Variants in TTC7B observed in about 807,000 individuals in gnomAD.
TTC7B encodes the protein tetratricopeptide repeat domain 7B.
A neutral mutation model predicts 106.8 loss-of-function variants in TTC7B; 28 were observed. That is an observed-to-expected ratio of 0.26 (90% CI 0.19 to 0.36). TTC7B has a LOEUF of 0.36. Among genes scored for constraint, TTC7B ranks in the 10% least tolerant of loss-of-function variants. The probability of loss-of-function intolerance (pLI) is 1.00; values close to 1 mark genes in which losing one functional copy is unlikely to be tolerated. For synonymous variants in TTC7B, 405 were observed against 430.6 expected (o/e 0.94, Z 0.74); for missense variants, 862 against 1,076.4 (o/e 0.80, Z 2.79).
rs981321064 is a variant in TTC7B at position 90,805,043 on chromosome 14, C to A, written c.121+11132G>T. ...GGACTCACCCGGAGCCCCAGGCAGG[C>A]AGGGCTACACAGCCACCCTGGAGAT... On this transcript the variant is annotated intron_variant, in intron 1 of 19. Coordinates refer to ENST00000328459, the MANE Select transcript of TTC7B (RefSeq NM_001010854.2). The surrounding 1 kb of genome is among the most constrained non-coding windows in gnomAD (Gnocchi z 4.0). 2.6e-5 allele frequency among the ~76,000 whole-genome samples: 4 copies of A among 152,118 alleles called. No individual in the cohort carries two copies. Among genetic ancestry groups the A allele is most frequent in the Non-Finnish European group, 4.4e-5 (3 of 68,026 alleles).
At chr14:90,701,794 G>GTATATATATATATATA (rs1365407194) in intron 5 of TTC7B, among the ~76,000 whole-genome samples, 12 of 124,864 alleles carry the variant, frequency 9.6e-5, no homozygotes, top group African/African-American at 4.2e-4. Flanking sequence ...GTGTGTGTGT[G>GTATATATATATATATA]TGTATATATA....
intron 3 of TTC7B, chr14:90,766,634 G>A (rs1426055094): frequency 9.3e-7 from 1 of 1,079,664 alleles, no homozygotes; most frequent in Non-Finnish European, 1.4e-6. Flanking sequence ...GCCATTAAGG[G>A]TGTGGGCCAA....
intron 18 of TTC7B, chr14:90,585,469 C>G (rs896550989): frequency 6.6e-6 from 1 of 152,436 alleles, no homozygotes; most frequent in Admixed American, 6.5e-5. Context: ...TCTGTGTCCT[C>G]TGTTCCATCC....
chr14:90,741,211 C>G (rs1335942679), intron 4 of TTC7B, among the ~76,000 whole-genome samples: 1 of 152,180 alleles, frequency 6.6e-6, no homozygotes, highest in Non-Finnish European at 1.5e-5. Context: ...CACTGCCCTT[C>G]AGGAACCCAA....
At chr14:90,566,667 G>A (rs1045151519) in intron 19 of TTC7B, among the ~76,000 whole-genome samples, 1 of 152,208 alleles carries the variant, frequency 6.6e-6, no homozygotes, top group Non-Finnish European at 1.5e-5. Context: ...ATCACGTGTC[G>A]TTCATCAGTG....
At chr14:90,676,267 C>G (rs1003102183) in intron 9 of TTC7B, 73 of 347,992 alleles carry the variant, frequency 2.1e-4, no homozygotes, top group African/African-American at 1.5e-3. Context: ...AAATGTTTGC[C>G]TTCCCTCACA....
At chr14:90,787,599 T>A (rs1201914878) in intron 1 of TTC7B, among the ~76,000 whole-genome samples, 6 of 151,924 alleles carry the variant, frequency 3.9e-5, no homozygotes, top group Non-Finnish European at 8.8e-5. Context: ...TAAAATTAAT[T>A]CAAAAAGTCA....
chr14:90,730,570 C>T (rs551470225), intron 4 of TTC7B, among the ~76,000 whole-genome samples: 1 of 152,292 alleles, frequency 6.6e-6, no homozygotes, highest in South Asian at 2.1e-4. Context: ...AGTTGTGATC[C>T]ACCAATGGCC....
In TTC7B at chr14:90,786,180, G is replaced by C. The variant is rs1405839735; in HGVS notation, c.270C>G (p.Asn90Lys). The change falls in exon 2 of 20, where the codon AAC (asparagine) becomes AAG (lysine). Residue 90 changes from asparagine to lysine, a missense_variant. Asn to Lys is a moderately conservative substitution (Grantham distance 94, BLOSUM62 0). Coordinates refer to ENST00000328459, the MANE Select transcript of TTC7B (RefSeq NM_001010854.2). ...KHLTAALDRG[N>K]LKSEFLQESN... ...GCCCAGAGGCCCATGGTACCTTAAG[G>C]TTCCCTCGGTCCAGGGCGGCGGTCA... 2 of 1,549,556 alleles carry C rather than the reference G, an allele frequency of 1.3e-6. No homozygotes were observed. The highest frequency in any genetic ancestry group is 2.5e-5 in the South Asian group (2 of 80,246).
rs1890421983 is a variant in TTC7B at position 90,759,266 on chromosome 14, G to A, written c.446-14344C>T. 6.6e-6 allele frequency among the ~76,000 whole-genome samples: 1 copy of A among 152,074 alleles called. No individual in the cohort carries two copies. Among genetic ancestry groups the A allele is most frequent in the Non-Finnish European group, 1.5e-5 (1 of 68,014 alleles). On this transcript the variant is annotated intron_variant, in intron 3 of 19. Transcript: ENST00000328459. This position sits in a 1 kb window ranked among gnomAD's most constrained non-coding sequence, Gnocchi z 4.1. The stretch of plus-strand genomic sequence containing the variant: ...AGCTTTCCAAATATGGATGCTTTTT[G>A]CATTCCCAAAGCATCACGAACATTT...
At chr14:90,743,440 T>G (rs1033233445) in intron 4 of TTC7B, among the ~76,000 whole-genome samples, 1 of 152,202 alleles carries the variant, frequency 6.6e-6, no homozygotes, top group Admixed American at 6.5e-5. Context: ...TCTCTCTCTA[T>G]TCTAATCTTT....
At chr14:90,797,112 T>G (rs1316214882) in intron 1 of TTC7B, among the ~76,000 whole-genome samples, 1 of 149,182 alleles carries the variant, frequency 6.7e-6, no homozygotes, top group Admixed American at 6.8e-5. Flanking sequence ...CCCAAAGTGC[T>G]GGGATTACAG....
Position 90,676,571 on chromosome 14 carries a change from T to C in TTC7B, c.1104A>G (p.Leu368=), listed in dbSNP as rs1246137580. 6.8e-6 allele frequency: 11 copies of C among 1,613,898 alleles called. No homozygotes were observed. The South Asian group carries it at 1.2e-4, about 18-fold the overall frequency. Residue 368 remains leucine, a synonymous_variant, in exon 9 of 20, where the codon TTA becomes TTG. Coordinates refer to ENST00000328459, the MANE Select transcript of TTC7B (RefSeq NM_001010854.2). ...SLQSASVVYD[L]LTIALGRRGQ... ...CTCTTCTTCCAAGAGCAATGGTGAG[T>C]AAGTCATAGACCACAGATGCACTCT...
rs1206955274 is a variant in TTC7B, at chr14:90,539,547, C to T, written c.*1821G>A. The T allele has an allele frequency of 2.0e-5, 3 of 152,500 alleles. No individual in the cohort carries two copies. The highest frequency in any genetic ancestry group is 4.4e-5 in the Non-Finnish European group (3 of 68,238). 9.4% of individuals were successfully genotyped at this position (152,500 alleles called of 1,614,324 possible). On this transcript the variant is annotated 3_prime_UTR_variant, in exon 20 of 20. Coordinates refer to ENST00000328459, the MANE Select transcript of TTC7B (RefSeq NM_001010854.2). ...GTCAGTGCTGAGGCTGGGGCTCCTACCTACTGTCTCTCCCTCCTTGGCTGC... is the reference window on the plus strand; with the variant it reads ...GTCAGTGCTGAGGCTGGGGCTCCTATCTACTGTCTCTCCCTCCTTGGCTGC...
chr14:90,659,743 A>G (rs1886108952), intron 9 of TTC7B, among the ~76,000 whole-genome samples: 1 of 152,202 alleles, frequency 6.6e-6, no homozygotes, highest in Admixed American at 6.5e-5. Context: ...ACCAATAAGC[A>G]AAGAAAAGAT....
chr14:90,604,823 G>T (rs1391176264), intron 17 of TTC7B, among the ~76,000 whole-genome samples: 1 of 152,144 alleles, frequency 6.6e-6, no homozygotes, highest in East Asian at 1.9e-4. Context: ...TTCATGGACA[G>T]GTTCTGGAAC....
chr14:90,551,241 A>G (rs1890068987), intron 19 of TTC7B, among the ~76,000 whole-genome samples: 1 of 152,196 alleles, frequency 6.6e-6, no homozygotes. Context: ...GAGTCTGGAA[A>G]GCCTGGTGCA....
chr14:90,646,993 T>A lies in TTC7B; in HGVS notation c.1548A>T (p.Gln516His). The change falls in exon 14 of 20, where the codon CAA becomes CAT. Residue 516 changes from glutamine to histidine, a missense_variant. Coordinates refer to ENST00000328459, the MANE Select transcript of TTC7B (RefSeq NM_001010854.2). ...RAHSLSPTDH[Q>H]AAFYLALQLA... ...GCTGCAGAGCCAGGTAGAAAGCTGC[T>A]TGGTGATCTGTGGGTGACAGGCTGT... 1.9e-6 allele frequency: 3 copies of A among 1,614,190 alleles called. No homozygotes were observed. The highest frequency in any genetic ancestry group is 1.7e-6 in the Non-Finnish European group (2 of 1,180,034).
At chr14:90,646,826 T>C (rs1232468732) in intron 14 of TTC7B, 125 bp downstream of exon 14, 2 of 901,718 alleles carry the variant, frequency 2.2e-6, no homozygotes, top group Non-Finnish European at 3.6e-6. Context: ...CTGAGAAGGG[T>C]TCCTGGCTCC....
Sources: gnomAD v4.1 joint callset for allele counts (sites outside exome capture counted in the v4.1 genomes callset) on GRCh38, gnomAD v4.1.1 for gene constraint, Gnocchi (gnomAD v3.1) non-coding constraint, MANE v1.5 for transcripts, NCBI Gene and HGNC (gene_info 2026-07-23, HGNC 2026-07-21) for gene names.